EARS2: variants seen among roughly 807,000 people sequenced by gnomAD.
EARS2 encodes nondiscriminating glutamyl-tRNA synthetase EARS2, mitochondrial.
Under a neutral mutation model 54.1 loss-of-function variants are expected in EARS2, and 50 were observed. The observed-to-expected ratio is 0.92, with a 90% CI of 0.74 to 1.17. The LOEUF is 1.17. Ranked by LOEUF, EARS2 falls within the 50% of genes most tolerant of loss-of-function variation. The pLI is 0.00. For synonymous variants in EARS2, 298 were observed against 281.0 expected, an observed-to-expected ratio of 1.06 and a Z score of -0.61; for missense variants, 673 against 675.0, an observed-to-expected ratio of 1.00 and a Z score of 0.03.
chr16:23,521,102 A>G lies in EARS2; in HGVS notation c.*3269T>C, dbSNP rs927410428. ...CCACCAGGCCCAGCTCTAATTTAGT[A>G]TTTTTTAAAAACTGTGGTAAAATAC... On this transcript the variant is annotated 3_prime_UTR_variant, in exon 9 of 9. Coordinates refer to ENST00000449606, the MANE Select transcript of EARS2 (RefSeq NM_001083614.2). Among the ~76,000 whole-genome samples, 9 of 152,150 alleles carry G rather than the reference A, an allele frequency of 5.9e-5. No individual in the cohort carries two copies. Among genetic ancestry groups the G allele is most frequent in the Non-Finnish European group, 1.2e-4 (8 of 68,026 alleles).
intron 3 of EARS2, among the ~76,000 whole-genome samples, chr16:23,540,861 T>C (rs1965500209): frequency 6.6e-6 from 1 of 152,082 alleles, no homozygotes; most frequent in African/African-American, 2.4e-5. Context: ...TGTGGTGGCA[T>C]GCACCTCTAG....
At chr16:23,542,746 C>A (rs981762625) in intron 3 of EARS2, among the ~76,000 whole-genome samples, 1 of 152,144 alleles carries the variant, frequency 6.6e-6, no homozygotes, top group Non-Finnish European at 1.5e-5. Context: ...GTGTAGTCCC[C>A]TCCCCTTGAG....
chr16:23,524,530 G>C (rs1461148380), intron 8 of EARS2, 76 bp from the exon 9 acceptor site: 2 of 1,316,600 alleles, frequency 1.5e-6, no homozygotes, highest in Non-Finnish European at 1.1e-6. Flanking sequence ...TTAGTCTGCA[G>C]AAATTATTCC....
intron 2 of EARS2, among the ~76,000 whole-genome samples, chr16:23,545,812 C>A (rs1965594529): frequency 2.0e-5 from 3 of 152,160 alleles, no homozygotes; most frequent in Admixed American, 6.6e-5. Flanking sequence ...TACAGGTGCA[C>A]ATCACCACAT....
intron 1 of EARS2, chr16:23,556,705 T>C (rs1381053804): frequency 3.4e-5 from 12 of 357,882 alleles, no homozygotes; most frequent in Non-Finnish European, 4.4e-5. Context: ...CTCCTTCTTG[T>C]CATTTGGATC....
At position 23,523,516 on chromosome 16, in the gene EARS2, G is replaced by A. The variant is rs1455810594; in HGVS notation, c.*855C>T. 1 of 152,212 alleles carries A rather than the reference G, an allele frequency of 6.6e-6. No individual in the cohort carries two copies. Among genetic ancestry groups the A allele is most frequent in the Non-Finnish European group, 1.5e-5 (1 of 68,080 alleles). The allele number at this position is 152,212 out of a possible 1,614,324, so 9.4% of individuals were successfully genotyped here. On this transcript the variant is annotated 3_prime_UTR_variant, in exon 9 of 9. Transcript: ENST00000449606. ...CATAAGACAAGAGTGCTTACCCTTGGCAGTGGAGTCACACTTCTCCTTTTA... is the reference window on the plus strand; with the variant it reads ...CATAAGACAAGAGTGCTTACCCTTGACAGTGGAGTCACACTTCTCCTTTTA...
At chr16:23,542,800 T>G (rs1161341674) in intron 3 of EARS2, among the ~76,000 whole-genome samples, 1 of 151,944 alleles carries the variant, frequency 6.6e-6, no homozygotes, top group Non-Finnish European at 1.5e-5. Flanking sequence ...ACAAAAATAA[T>G]GCCAAATATG....
At chr16:23,548,233 CAATA>C (rs10687580) in intron 2 of EARS2, among the ~76,000 whole-genome samples, 2,326 of 135,382 alleles carry the variant, frequency 0.017, 36 homozygotes, top group African/African-American at 0.042. Context: ...GACTCCATCT[CAATA>C]AATAAATAAA....
rs57627185 is a variant in EARS2 at position 23,524,934 on chromosome 16, C to T, written c.1488+310G>A. On this transcript the variant is annotated intron_variant, in intron 8 of 8. Coordinates refer to ENST00000449606, the MANE Select transcript of EARS2 (RefSeq NM_001083614.2). The stretch of plus-strand genomic sequence containing the variant: ...TGCTGGGAATACAGGTGTGAGCCAC[C>T]GTGCCTGGCCTGATTTTCCCATATT... 1,445 of 550,454 alleles carry T rather than the reference C, an allele frequency of 2.6e-3. 20 individuals carry two copies. Among genetic ancestry groups the T allele is most frequent in the African/African-American group, 0.025 (1,309 of 52,008 alleles). 34.1% of individuals were successfully genotyped at this position (550,454 alleles called of 1,614,324 possible).
chr16:23,541,489 T>C (rs553529668), intron 3 of EARS2, among the ~76,000 whole-genome samples: 11 of 152,124 alleles, frequency 7.2e-5, no homozygotes, highest in Non-Finnish European at 1.2e-4. Context: ...ACATGGTAAA[T>C]TGCACCACAT....
At chr16:23,548,326 A>G (rs1192842897) in intron 2 of EARS2, among the ~76,000 whole-genome samples, 4 of 152,168 alleles carry the variant, frequency 2.6e-5, no homozygotes. Flanking sequence ...GGTGCTCCAG[A>G]AGTCAGCCAC....
rs201181229 is a variant in EARS2 at position 23,529,502 on chromosome 16, C to A, written c.1352G>T (p.Gly451Val). ...KVDVIAKRVL[G>V]LLERSSMSLT... ...CTGAGCTCAGCCTGCGGGTACTCAC[C>A]CCAGCACACGCTTGGCAATCACATC... The change falls in exon 7 of 9, where the codon GGG becomes GTG. Residue 451 changes from glycine to valine, a missense_variant and splice_region_variant. Transcript: ENST00000449606. 1.2e-4 allele frequency: 193 copies of A among 1,613,322 alleles called. No individual in the cohort carries two copies. The highest frequency in any genetic ancestry group is 1.5e-4 in the Non-Finnish European group (180 of 1,179,680).
rs543400542 is a variant in EARS2 at position 23,538,945 on chromosome 16, T to C, written c.486-3585A>G. Among the ~76,000 whole-genome samples, 8 of 150,382 alleles carry C rather than the reference T, an allele frequency of 5.3e-5. No homozygotes were observed. The South Asian group carries it at 1.7e-3, about 32-fold the overall frequency. The stretch of plus-strand genomic sequence containing the variant: ...CCTAATGTAAAATAAAACCAAGTAA[T>C]ACATTCTCAACAGTTATGGCCCCCC... On this transcript the variant is annotated intron_variant, in intron 3 of 8. Transcript: ENST00000449606.
chr16:23,552,017 G>A, intron 2 of EARS2, 132 bp downstream of exon 2: 1 of 1,126,968 alleles, frequency 8.9e-7, no homozygotes, highest in Non-Finnish European at 1.3e-6. Context: ...CCCCGGGCAG[G>A]GCAGTACAAA....
chr16:23,543,730 CAAAAAAAAA>C (rs565590236), intron 3 of EARS2, among the ~76,000 whole-genome samples: 2 of 58,822 alleles, frequency 3.4e-5, no homozygotes, highest in African/African-American at 1.2e-4. Context: ...GAGACTGTCT[CAAAAAAAAA>C]AAAAAAAAGC....
Position 23,529,827 on chromosome 16 carries a change from C to T in EARS2, c.1138G>A (p.Val380Met), listed in dbSNP as rs1965293568. ...AGCTGGCAACCAAAGGCCTCCTCCA[C>T]AAGGACCTGCAGCTTCCCCACCAGC... ...RQLVGKLQVL[V>M]EEAFGCQLQN... The change falls in exon 6 of 9, where the codon GTG becomes ATG. Residue 380 changes from valine (V) to methionine (M), a missense_variant. This residue lies in a region of EARS2 where 338 missense variants were observed against 361.2 expected (regional missense o/e 0.94). Transcript: ENST00000449606. 2 of 1,614,174 alleles carry T rather than the reference C, an allele frequency of 1.2e-6. No homozygotes were observed. Among genetic ancestry groups the T allele is most frequent in the Non-Finnish European group, 1.7e-6 (2 of 1,180,026 alleles).
intron 3 of EARS2, among the ~76,000 whole-genome samples, chr16:23,542,655 CT>C (rs780068978): frequency 6.6e-6 from 1 of 151,962 alleles, no homozygotes; most frequent in Non-Finnish European, 1.5e-5. Flanking sequence ...ATTAAAATTA[CT>C]TTACACATTA....
Position 23,521,933 on chromosome 16 carries a change from C to A in EARS2, c.*2438G>T. Reference sequence around the variant, plus strand: ...GTTTAAATCTTGGTTTTGCCTCGTACTATAACCTCGGAAGTTTTAGTTAAC... The same window carrying A: ...GTTTAAATCTTGGTTTTGCCTCGTAATATAACCTCGGAAGTTTTAGTTAAC... On this transcript the variant is annotated 3_prime_UTR_variant, in exon 9 of 9. Transcript: ENST00000449606. 8 of 410,208 alleles carry A rather than the reference C, an allele frequency of 2.0e-5. No individual in the cohort carries two copies. The highest frequency in any genetic ancestry group is 3.9e-5 in the Non-Finnish European group (8 of 202,706). 25.4% of individuals were successfully genotyped at this position (410,208 alleles called of 1,614,324 possible).
At position 23,552,236 on chromosome 16, in the gene EARS2, T is replaced by A. The variant is rs867502882; in HGVS notation, c.208A>T (p.Ser70Cys). 4.3e-6 allele frequency: 7 copies of A among 1,614,132 alleles called. No homozygotes were observed. The Middle Eastern group carries it at 8.2e-4, about 190-fold the overall frequency. Residue 70 changes from serine to cysteine, a missense_variant, in exon 2 of 9, where the codon AGC (serine) becomes TGC (cysteine). Ser to Cys is a moderately radical substitution (Grantham distance 112). Around this residue, in one of 3 missense-constraint regions of EARS2, gnomAD observed 316 missense variants for 275.2 expected, o/e 1.15. Coordinates refer to ENST00000449606, the MANE Select transcript of EARS2 (RefSeq NM_001083614.2). ...GTGTCCTCTAGCCTCAGGATGAAGC[T>A]CCCCTGGTACTTCTTAGCAAAGATG... ...NYIFAKKYQG[S>C]FILRLEDTDQ...
Sources: gnomAD v4.1 joint callset for allele counts (sites outside exome capture counted in the v4.1 genomes callset) on GRCh38, gnomAD v4.1.1 for gene constraint, gnomAD v4.1.1 regional missense constraint, MANE v1.5 for transcripts, NCBI Gene and HGNC (gene_info 2026-07-23, HGNC 2026-07-21) for gene names.